Variants in PARD3B observed in about 807,000 individuals in gnomAD.
PARD3B encodes par-3 family cell polarity regulator beta, also known as partitioning defective 3 homolog B.
PARD3B carries 103 observed loss-of-function variants against 130.2 expected under a neutral mutation model. The ratio of observed to expected loss-of-function variants is 0.79; its 90% confidence interval spans 0.67 to 0.93. PARD3B has a LOEUF of 0.93. Among genes scored for constraint, PARD3B ranks in the 40% least tolerant of loss-of-function variants. The pLI is 0.00. For missense variants in PARD3B, 1,609 were observed against 1,499.2 expected (o/e 1.07, Z -1.21); for synonymous variants, 583 against 553.2 (o/e 1.05, Z -0.76).
At chr2:205,337,891 T>G (rs1464442131) in intron 18 of PARD3B, among the ~76,000 whole-genome samples, 1 of 152,170 alleles carries the variant, frequency 6.6e-6, no homozygotes, top group Non-Finnish European at 1.5e-5. Context: ...GGCTCATGCC[T>G]GTAAGCCCAG....
intron 3 of PARD3B, among the ~76,000 whole-genome samples, chr2:205,041,751 C>T (rs934872208): frequency 6.6e-6 from 1 of 152,102 alleles, no homozygotes; most frequent in African/African-American, 2.4e-5. Context: ...ATCCCTGCTG[C>T]TACTCCCCAT....
At chr2:204,889,708 A>G (rs116788284) in intron 2 of PARD3B, among the ~76,000 whole-genome samples, 1,702 of 152,364 alleles carry the variant, frequency 0.011, 24 homozygotes, top group African/African-American at 0.037. Flanking sequence ...GATTTCCAAC[A>G]GTCAGCAGGC....
chr2:205,447,628 G>C (rs560924525), intron 20 of PARD3B, among the ~76,000 whole-genome samples: 5 of 152,058 alleles, frequency 3.3e-5, no homozygotes, highest in Non-Finnish European at 7.4e-5. Context: ...CTGCCCACCT[G>C]GGCCTCCCAA....
In PARD3B at chr2:205,440,627, A is replaced by G. The variant is rs774860895; in HGVS notation, c.2999A>G (p.Tyr1000Cys). 3.1e-6 allele frequency: 5 copies of G among 1,613,918 alleles called. No individual in the cohort carries two copies. Among genetic ancestry groups the G allele is most frequent in the South Asian group, 1.1e-5 (1 of 91,082 alleles). ...GAAAGAGACCACTTAGAGGGTCTCTATGCCAAGGTCAACAAGCCATACCAT... is the reference window on the plus strand; with the variant it reads ...GAAAGAGACCACTTAGAGGGTCTCTGTGCCAAGGTCAACAAGCCATACCAT... Reference protein sequence around the residue: ...SPERDHLEGLYAKVNKPYHPL... With the variant: ...SPERDHLEGLCAKVNKPYHPL... The change falls in exon 20 of 23, where the codon TAT becomes TGT. Residue 1000 changes from tyrosine to cysteine, a missense_variant. Physicochemically the swap from Tyr to Cys is radical, Grantham distance 194 (BLOSUM62 -2). Transcript: ENST00000406610. The surrounding 1 kb of genome is among the most constrained non-coding windows in gnomAD (Gnocchi z 4.2).
At chr2:204,759,392 T>C (rs2040808501) in intron 2 of PARD3B, among the ~76,000 whole-genome samples, 1 of 152,122 alleles carries the variant, frequency 6.6e-6, no homozygotes, top group South Asian at 2.1e-4. Flanking sequence ...CTATTAGTGC[T>C]TGTTTGTGTA....
intron 21 of PARD3B, among the ~76,000 whole-genome samples, chr2:205,546,907 TAAAC>T (rs890703455): frequency 6.6e-6 from 1 of 152,174 alleles, no homozygotes; most frequent in Non-Finnish European, 1.5e-5. Context: ...TTGTCAATAA[TAAAC>T]AGATGAGAAA....
chr2:205,050,913 G>A (rs1699145723), intron 4 of PARD3B, among the ~76,000 whole-genome samples: 1 of 152,064 alleles, frequency 6.6e-6, no homozygotes, highest in Non-Finnish European at 1.5e-5. Context: ...GGGCAGTCCT[G>A]GTTAGTGCCC....
intron 2 of PARD3B, among the ~76,000 whole-genome samples, chr2:204,817,868 C>G (rs1249603760): frequency 2.0e-5 from 3 of 152,004 alleles, no homozygotes; most frequent in Non-Finnish European, 2.9e-5. Flanking sequence ...TCCTTTTTTG[C>G]TTGATAGGTA....
chr2:205,301,330 C>T lies in PARD3B; in HGVS notation c.2393-134C>T. The T allele has an allele frequency of 7.0e-7, 1 of 1,427,352 alleles. No individual in the cohort carries two copies. The highest frequency in any genetic ancestry group is 9.4e-7 in the Non-Finnish European group (1 of 1,067,548). 88.4% of individuals were successfully genotyped at this position (1,427,352 alleles called of 1,614,324 possible). On this transcript the variant is annotated intron_variant, in intron 17 of 22. Coordinates refer to ENST00000406610, the MANE Select transcript of PARD3B (RefSeq NM_001302769.2). The surrounding 1 kb of genome is among the most constrained non-coding windows in gnomAD (Gnocchi z 5.2). ...TAGGCAGTCAGATCTTCAAAGGGCG[C>T]ACGTAACCACATAGAAGGGTAGAAC...
intron 15 of PARD3B, among the ~76,000 whole-genome samples, chr2:205,227,307 A>T (rs1022901452): frequency 1.3e-5 from 2 of 151,988 alleles, no homozygotes; most frequent in African/African-American, 4.8e-5. Flanking sequence ...TTGTATTGGG[A>T]TCTCTCTGCC....
At chr2:204,854,700 T>C (rs1575139974) in intron 2 of PARD3B, among the ~76,000 whole-genome samples, 2 of 152,266 alleles carry the variant, frequency 1.3e-5, no homozygotes, top group South Asian at 4.1e-4. Flanking sequence ...GAACAGAGGA[T>C]AGCCCATAGT....
At chr2:205,367,978 C>T (rs1325095806) in intron 18 of PARD3B, among the ~76,000 whole-genome samples, 5 of 152,162 alleles carry the variant, frequency 3.3e-5, no homozygotes, top group South Asian at 4.1e-4. Flanking sequence ...TGGTCACTCA[C>T]TGTGGTATTT....
chr2:205,041,089 T>C (rs1384711157), intron 3 of PARD3B, among the ~76,000 whole-genome samples: 1 of 152,224 alleles, frequency 6.6e-6, no homozygotes, highest in Non-Finnish European at 1.5e-5. Flanking sequence ...TTTTGCGTTA[T>C]TTTGCATGCG....
chr2:205,465,076 A>G (rs1192290574), intron 20 of PARD3B, among the ~76,000 whole-genome samples: 1 of 152,226 alleles, frequency 6.6e-6, no homozygotes, highest in Non-Finnish European at 1.5e-5. Flanking sequence ...TGTTTATGTT[A>G]GCATGTTTTA....
chr2:204,917,477 C>T (rs932906759), intron 2 of PARD3B, among the ~76,000 whole-genome samples: 2 of 152,094 alleles, frequency 1.3e-5, no homozygotes, highest in African/African-American at 2.4e-5. Flanking sequence ...TTATCCTGGG[C>T]AACTAGAGGT....
intron 1 of PARD3B, among the ~76,000 whole-genome samples, chr2:204,680,473 A>G (rs1485363476): frequency 6.6e-6 from 1 of 151,754 alleles, no homozygotes; most frequent in Admixed American, 6.6e-5. Context: ...TCTGCTATGA[A>G]TTTACTAGTT....
intron 3 of PARD3B, among the ~76,000 whole-genome samples, chr2:205,013,841 C>T (rs1437663301): frequency 6.6e-6 from 1 of 152,120 alleles, no homozygotes; most frequent in Non-Finnish European, 1.5e-5. Flanking sequence ...GATGTGATCT[C>T]TACTATCTCA....
chr2:204,632,575 T>C (rs1408513508), intron 1 of PARD3B, among the ~76,000 whole-genome samples: 2 of 152,180 alleles, frequency 1.3e-5, no homozygotes, highest in Non-Finnish European at 2.9e-5. Flanking sequence ...GTCTGCTCCA[T>C]ACCCTAGGTG....
At chr2:205,493,419 C>A (rs985908380) in intron 20 of PARD3B, among the ~76,000 whole-genome samples, 3 of 152,050 alleles carry the variant, frequency 2.0e-5, no homozygotes, top group Non-Finnish European at 4.4e-5. Context: ...GTCTTTAAAC[C>A]CTTTTTGAGA....
Sources: allele counts gnomAD v4.1 joint callset (sites outside exome capture counted in the v4.1 genomes callset), GRCh38; gene constraint gnomAD v4.1.1; non-coding constraint Gnocchi (gnomAD v3.1); transcripts MANE v1.5; gene names NCBI Gene and HGNC (gene_info 2026-07-23, HGNC 2026-07-21).